PCSK1: variants seen among roughly 807,000 people sequenced by gnomAD.
PCSK1 encodes the protein neuroendocrine convertase 1.
PCSK1 carries 56 observed loss-of-function variants against 90.6 expected under a neutral mutation model. The observed-to-expected ratio is 0.62, with a 90% CI of 0.50 to 0.77. PCSK1 has a LOEUF of 0.77. Among genes scored for constraint, PCSK1 ranks in the 30% least tolerant of loss-of-function variants. The pLI is 0.00. For missense variants in PCSK1, 801 were observed against 932.6 expected, an observed-to-expected ratio of 0.86 and a Z score of 1.84; for synonymous variants, 348 against 342.4, an observed-to-expected ratio of 1.02 and a Z score of -0.18.
rs542440684 is a variant in PCSK1 at position 96,429,159 on chromosome 5, A to G, written c.285+54T>C. ...TGCTTCTGTTTTTATTAGAAATCATAAAGAAAGCAGATAAGCTAGAGTATT... is the reference window on the plus strand; with the variant it reads ...TGCTTCTGTTTTTATTAGAAATCATGAAGAAAGCAGATAAGCTAGAGTATT... On this transcript the variant is annotated intron_variant, in intron 2 of 13. Transcript: ENST00000311106. 78 of 925,374 alleles carry G rather than the reference A, an allele frequency of 8.4e-5. No individual in the cohort carries two copies. In the African/African-American group the frequency reaches 1.2e-3, roughly 14 times the overall value. The allele number at this position is 925,374 out of a possible 1,614,324, so 57.3% of individuals were successfully genotyped here. A position where few individuals can be genotyped will look rare whatever the true frequency, so the allele number is the denominator to read the frequency against.
At chr5:96,425,013 AAAGAAAGAAAG>A (rs1338613084) in intron 3 of PCSK1, among the ~76,000 whole-genome samples, 1 of 22,894 alleles carries the variant, frequency 4.4e-5, no homozygotes, top group Non-Finnish European at 9.8e-5. Context: ...GAAAGAAAAG[AAAGAAAGAAAG>A]AAAGAAAGAA....
chr5:96,418,367 A>G (rs533600264), intron 5 of PCSK1, among the ~76,000 whole-genome samples: 5 of 152,338 alleles, frequency 3.3e-5, no homozygotes, highest in African/African-American at 1.2e-4. Context: ...GATAGTTTAA[A>G]TACTACCCTT....
chr5:96,421,692 A>C (rs1335329569), intron 5 of PCSK1, among the ~76,000 whole-genome samples, 188 bp downstream of exon 5: 1 of 152,168 alleles, frequency 6.6e-6, no homozygotes, highest in East Asian at 1.9e-4. Flanking sequence ...TGGTTCTATA[A>C]ACCAAAGGGA....
chr5:96,427,080 G>T (rs568232823), intron 2 of PCSK1, among the ~76,000 whole-genome samples: 1 of 152,292 alleles, frequency 6.6e-6, no homozygotes, highest in Admixed American at 6.5e-5. Flanking sequence ...AATCTTTGAG[G>T]TAGAGGGTCA....
rs776466470 is a variant in PCSK1 at position 96,420,805 on chromosome 5, G to C, written c.620+1075C>G. ...AGAGAGAAAGAGAGAGAGAGAGAGA[G>C]AGAGACAGAGACAGACTTGTCTGAC... is the stretch of plus-strand genomic sequence containing the variant. On this transcript the variant is annotated intron_variant, in intron 5 of 13. Transcript: ENST00000311106. 6.6e-5 allele frequency among the ~76,000 whole-genome samples: 10 copies of C among 151,842 alleles called. 2 individuals carry two copies. Among genetic ancestry groups the C allele is most frequent in the African/African-American group, 2.2e-4 (9 of 41,396 alleles).
Position 96,391,558 on chromosome 5 carries a change from G to A in PCSK1, c.*1443C>T, listed in dbSNP as rs182581645. Reference sequence around the variant, plus strand: ...AGATCCTGCCTAACAGAAGATGCGGGTAGTTTGTTTTTCCTAATGCATTTA... The same window carrying A: ...AGATCCTGCCTAACAGAAGATGCGGATAGTTTGTTTTTCCTAATGCATTTA... On this transcript the variant is annotated 3_prime_UTR_variant, in exon 14 of 14. Transcript: ENST00000311106. 30 of 152,362 alleles carry A rather than the reference G, an allele frequency of 2.0e-4. No homozygotes were observed. The East Asian group carries it at 5.4e-3, about 27-fold the overall frequency. The allele number at this position is 152,362 out of a possible 1,614,324, so 9.4% of individuals were successfully genotyped here. A position where few individuals can be genotyped will look rare whatever the true frequency, so the allele number is the denominator to read the frequency against.
At position 96,425,286 on chromosome 5, in the gene PCSK1, G is replaced by A. The variant is rs542229606; in HGVS notation, c.396+534C>T. On this transcript the variant is annotated intron_variant, in intron 3 of 13. Coordinates refer to ENST00000311106, the MANE Select transcript of PCSK1 (RefSeq NM_000439.5). ...GACAGCAACACTTAACAATTTCTTCGCTCAAGGATTTGGTAACTATCTTAA... is the reference window on the plus strand; with the variant it reads ...GACAGCAACACTTAACAATTTCTTCACTCAAGGATTTGGTAACTATCTTAA... 3.4e-4 allele frequency among the ~76,000 whole-genome samples: 52 copies of A among 152,290 alleles called. No homozygotes were observed. The South Asian group carries it at 0.01, about 30-fold the overall frequency.
At chr5:96,422,054 C>T in intron 4 of PCSK1, 98 bp from the exon 5 acceptor site, 1 of 743,046 alleles carries the variant, frequency 1.3e-6, no homozygotes, top group East Asian at 2.5e-5. Flanking sequence ...CTATGCCTTC[C>T]CATCCTGGCT....
At chr5:96,410,719 C>T in intron 8 of PCSK1, 55 bp downstream of exon 8, 1 of 1,386,278 alleles carries the variant, frequency 7.2e-7, no homozygotes, top group East Asian at 2.3e-5. Context: ...AATCATTTCA[C>T]ATGCATGCCA....
rs1761011399 is a variant in PCSK1 at position 96,418,682 on chromosome 5, C to T, written c.621-2561G>A. Among the ~76,000 whole-genome samples the T allele has an allele frequency of 2.0e-5, 3 of 152,248 alleles. No homozygotes were observed. In the South Asian group the frequency reaches 6.2e-4, roughly 32 times the overall value. Reference sequence around the variant, plus strand: ...TGTAAAGGCCAAGACAAAATGGAGCCATTCATTTTCTAAACCTAAGGGCTT... The same window carrying T: ...TGTAAAGGCCAAGACAAAATGGAGCTATTCATTTTCTAAACCTAAGGGCTT... On this transcript the variant is annotated intron_variant, in intron 5 of 13. Coordinates refer to ENST00000311106, the MANE Select transcript of PCSK1 (RefSeq NM_000439.5).
intron 4 of PCSK1, among the ~76,000 whole-genome samples, chr5:96,422,399 G>T (rs1424383266): frequency 6.6e-6 from 1 of 152,082 alleles, no homozygotes; most frequent in African/African-American, 2.4e-5. Context: ...TGGGACTCAG[G>T]TCCATGGTGC....
intron 1 of PCSK1, among the ~76,000 whole-genome samples, chr5:96,430,340 A>G (rs574939049): frequency 1.3e-5 from 2 of 152,344 alleles, no homozygotes; most frequent in East Asian, 1.9e-4. Flanking sequence ...ACAGTTGACA[A>G]CAGTATATTA....
chr5:96,428,199 C>T (rs909916195), intron 2 of PCSK1, among the ~76,000 whole-genome samples: 3 of 152,148 alleles, frequency 2.0e-5, no homozygotes, highest in African/African-American at 7.2e-5. Context: ...ATCTTACAGT[C>T]CTCATGAATT....
intron 2 of PCSK1, 59 bp downstream of exon 2, chr5:96,429,154 A>G: frequency 1.1e-6 from 1 of 891,378 alleles, no homozygotes; most frequent in South Asian, 1.5e-5. Flanking sequence ...TTTATTAGAA[A>G]TCATAAAGAA....
chr5:96,410,889 T>A lies in PCSK1; in HGVS notation c.980A>T (p.Tyr327Phe). The A allele has an allele frequency of 6.2e-7, 1 of 1,613,978 alleles. No individual in the cohort carries two copies. Among genetic ancestry groups the A allele is most frequent in the African/African-American group, 1.3e-5 (1 of 75,016 alleles). The change falls in exon 8 of 14, where the codon TAC (tyrosine) becomes TTC (phenylalanine). Residue 327 changes from tyrosine to phenylalanine, a missense_variant. Coordinates refer to ENST00000311106, the MANE Select transcript of PCSK1 (RefSeq NM_000439.5). ...GGAGGCACTGCTGATGGAGATGGTGTAGATGCTGTCTGTGTAGCCATCACA... is the reference window on the plus strand; with the variant it reads ...GGAGGCACTGCTGATGGAGATGGTGAAGATGCTGTCTGTGTAGCCATCACA... The part of the protein sequence containing the change: ...CDCDGYTDSI[Y>F]TISISSASQQ...
At chr5:96,403,907 C>A (rs575133550) in intron 9 of PCSK1, among the ~76,000 whole-genome samples, 35 of 152,220 alleles carry the variant, frequency 2.3e-4, no homozygotes, top group African/African-American at 7.7e-4. Context: ...TTAATAAGAC[C>A]AGAAGTTTGG....
chr5:96,412,964 C>T (rs1580757253), intron 6 of PCSK1: 9 of 1,009,936 alleles, frequency 8.9e-6, no homozygotes, highest in Non-Finnish European at 1.1e-5. Context: ...GGTGATGCAC[C>T]TCCTCATGGC....
At chr5:96,418,660 A>G (rs1258509051) in intron 5 of PCSK1, among the ~76,000 whole-genome samples, 4 of 152,218 alleles carry the variant, frequency 2.6e-5, no homozygotes, top group Non-Finnish European at 4.4e-5. Flanking sequence ...CAATTGCTGT[A>G]AAGGCCAAGA....
chr5:96,430,797 A>T (rs1206773115), intron 1 of PCSK1, among the ~76,000 whole-genome samples: 1 of 152,206 alleles, frequency 6.6e-6, no homozygotes, highest in East Asian at 1.9e-4. Context: ...ATTGTAAATC[A>T]TATATAAATA....
Sources: gnomAD v4.1 joint callset for allele counts (sites outside exome capture counted in the v4.1 genomes callset) on GRCh38, gnomAD v4.1.1 for gene constraint, MANE v1.5 for transcripts, NCBI Gene and HGNC (gene_info 2026-07-23, HGNC 2026-07-21) for gene names.